CIMIP1: variants seen among roughly 807,000 people sequenced by gnomAD.
CIMIP1 encodes low in lung cancer 1.
chr20:58,153,980 C>T, the CIMIP1 span, among the ~76,000 whole-genome samples: 1 of 152,216 alleles, frequency 6.6e-6, no homozygotes, highest in Non-Finnish European at 1.5e-5. Context: ...GGTCTGATGC[C>T]ACAGCCACCT....
the CIMIP1 span, chr20:58,150,918 T>C: frequency 6.4e-6 from 10 of 1,563,346 alleles, no homozygotes; most frequent in African/African-American, 2.7e-5. Context: ...CGCGAGACGC[T>C]GAGCCCAGGG....
At chr20:58,160,661 G>T in the CIMIP1 span, 441 of 1,612,716 alleles carry the variant, frequency 2.7e-4, no homozygotes, top group Non-Finnish European at 3.3e-4. Context: ...TCCATTCCAG[G>T]TCTTTCCATC....
chr20:58,153,567 C>G, the CIMIP1 span: 47 of 1,613,996 alleles, frequency 2.9e-5, no homozygotes, highest in African/African-American at 5.9e-4. Context: ...AAGGCTGAAT[C>G]GGAAGCACGG....
chr20:58,151,557 C>G, the CIMIP1 span, among the ~76,000 whole-genome samples: 722 of 152,016 alleles, frequency 4.7e-3, 1 homozygote, highest in Non-Finnish European at 6.4e-3. Context: ...GGATTACAGG[C>G]GCCCACCACC....
the CIMIP1 span, among the ~76,000 whole-genome samples, chr20:58,158,760 T>C: frequency 6.6e-6 from 1 of 152,234 alleles, no homozygotes; most frequent in Non-Finnish European, 1.5e-5. Context: ...ATAGGTAACC[T>C]TGATACCTAA....
the CIMIP1 span, chr20:58,150,939 CG>C: frequency 6.3e-7 from 1 of 1,588,278 alleles, no homozygotes; most frequent in African/African-American, 1.3e-5. Flanking sequence ...CCAGAGCTTG[CG>C]GGGCGCACAG....
chr20:58,153,660 A>T, the CIMIP1 span: 1 of 1,385,328 alleles, frequency 7.2e-7, no homozygotes, highest in South Asian at 1.2e-5. Flanking sequence ...AAGGTTACAG[A>T]ATCAATCATT....
the CIMIP1 span, chr20:58,160,994 C>T: frequency 1.2e-4 from 73 of 601,356 alleles, no homozygotes; most frequent in Non-Finnish European, 1.6e-4. Flanking sequence ...AAGTCATCAG[C>T]GTCACCCTTC....
At chr20:58,159,184 T>C in the CIMIP1 span, among the ~76,000 whole-genome samples, 1 of 46,508 alleles carries the variant, frequency 2.2e-5, no homozygotes, top group South Asian at 3.9e-4. Context: ...CACTTTCTTC[T>C]TTTTTTTTTT....
the CIMIP1 span, among the ~76,000 whole-genome samples, chr20:58,151,198 A>T: frequency 6.6e-6 from 1 of 152,164 alleles, no homozygotes; most frequent in Non-Finnish European, 1.5e-5. Context: ...AAAGGGGTCA[A>T]TGTTAGGGAC....
At chr20:58,156,365 T>G in the CIMIP1 span, among the ~76,000 whole-genome samples, 5 of 151,806 alleles carry the variant, frequency 3.3e-5, no homozygotes, top group Non-Finnish European at 7.4e-5. Context: ...GAACAGCATG[T>G]ATGAAAGCCC....
chr20:58,160,678 A>G, the CIMIP1 span: 2 of 1,613,704 alleles, frequency 1.2e-6, no homozygotes, highest in African/African-American at 2.7e-5. Context: ...CATCCCCCCC[A>G]GTCCCACAGA....
the CIMIP1 span, chr20:58,151,144 A>AGGG: frequency 1.0e-6 from 1 of 960,976 alleles, no homozygotes; most frequent in East Asian, 2.7e-5. Context: ...ACTAAACTCG[A>AGGG]GGGGCAGAGG....
chr20:58,154,515 A>T, the CIMIP1 span, among the ~76,000 whole-genome samples: 1 of 152,212 alleles, frequency 6.6e-6, no homozygotes, highest in African/African-American at 2.4e-5. Flanking sequence ...TCTATGATTC[A>T]CAGCAGTGTA....
chr20:58,158,061 G>A, the CIMIP1 span, among the ~76,000 whole-genome samples: 3 of 152,112 alleles, frequency 2.0e-5, no homozygotes, highest in African/African-American at 7.2e-5. Context: ...AGGGCCCCTG[G>A]GCCTGCTCTG....
the CIMIP1 span, among the ~76,000 whole-genome samples, chr20:58,156,408 A>C: frequency 3.3e-5 from 5 of 152,226 alleles, no homozygotes; most frequent in Middle Eastern, 3.4e-3. Flanking sequence ...TGTTTCAGGA[A>C]CAGCAAGGCA....
the CIMIP1 span, chr20:58,150,937 T>G: frequency 6.3e-7 from 1 of 1,588,362 alleles, no homozygotes; most frequent in Non-Finnish European, 8.6e-7. Flanking sequence ...GGCCAGAGCT[T>G]GCGGGGCGCA....
chr20:58,151,984 A>G, the CIMIP1 span, among the ~76,000 whole-genome samples: 3 of 152,180 alleles, frequency 2.0e-5, no homozygotes, highest in Non-Finnish European at 2.9e-5. Context: ...TAACAATAAA[A>G]CATACTTGTT....
At chr20:58,153,725 A>C in the CIMIP1 span, 2 of 903,424 alleles carry the variant, frequency 2.2e-6, no homozygotes, top group Non-Finnish European at 3.5e-6. Context: ...ACTAAAGAGC[A>C]TGTTGTAGGC....
Sources: gnomAD v4.1 joint callset for allele counts (sites outside exome capture counted in the v4.1 genomes callset) on GRCh38, gnomAD v4.1.1 for gene constraint, MANE v1.5 for transcripts, NCBI Gene and HGNC (gene_info 2026-07-23, HGNC 2026-07-21) for gene names.